The following PDZK1 variants were observed in gnomAD, a reference collection of about 807,000 sequenced individuals.
PDZK1 encodes Na(+)/H(+) exchange regulatory cofactor NHE-RF3.
In PDZK1, 23 loss-of-function variants were observed where a neutral mutation model predicts 38.1. The ratio of observed to expected loss-of-function variants is 0.60; its 90% CI spans 0.43 to 0.85. The LOEUF is 0.85. PDZK1 is among the 40% of genes least tolerant of loss of function. PDZK1 has a pLI of 0.00. For synonymous variants in PDZK1, 98 were observed against 186.2 expected, an observed-to-expected ratio of 0.53 and a Z score of 3.86; for missense variants, 297 against 504.3, an observed-to-expected ratio of 0.59 and a Z score of 3.94.
At chr1:145,680,000 T>C (rs1163626905) in intron 5 of PDZK1, among the ~76,000 whole-genome samples, 40 of 152,280 alleles carry the variant, frequency 2.6e-4, no homozygotes, top group African/African-American at 9.4e-4. Flanking sequence ...TCTGTCTACT[T>C]TCCCAAATCT....
At chr1:145,687,703 T>C in intron 2 of PDZK1, 109 bp downstream of exon 2, 2 of 888,134 alleles carry the variant, frequency 2.3e-6, no homozygotes, top group Admixed American at 1.9e-5. Flanking sequence ...GCCTTGCCAG[T>C]GGCAGCCAGG....
intron 1 of PDZK1, among the ~76,000 whole-genome samples, chr1:145,705,158 T>C (rs782051385): frequency 1.3e-5 from 2 of 152,110 alleles, no homozygotes; most frequent in African/African-American, 2.4e-5. Flanking sequence ...TGGCACAATC[T>C]TGGCTCACTG....
intron 2 of PDZK1, among the ~76,000 whole-genome samples, chr1:145,687,219 T>C (rs1654855319): frequency 6.6e-6 from 1 of 151,888 alleles, no homozygotes; most frequent in Non-Finnish European, 1.5e-5. Context: ...CTTAACAAGA[T>C]AATGAATATA....
chr1:145,687,239 G>A (rs1553701969), intron 2 of PDZK1, among the ~76,000 whole-genome samples: 1 of 151,918 alleles, frequency 6.6e-6, no homozygotes, highest in African/African-American at 2.4e-5. Flanking sequence ...AAAATTGCTG[G>A]CCGAGCGTGG....
intron 5 of PDZK1, among the ~76,000 whole-genome samples, chr1:145,680,037 G>C (rs1553700010): frequency 6.6e-6 from 1 of 152,048 alleles, no homozygotes; most frequent in Non-Finnish European, 1.5e-5. Flanking sequence ...CTGAACTCAA[G>C]TGCCACCCCT....
intron 1 of PDZK1, among the ~76,000 whole-genome samples, chr1:145,704,159 A>C (rs1274353289): frequency 6.6e-6 from 1 of 152,138 alleles, no homozygotes; most frequent in Non-Finnish European, 1.5e-5. Flanking sequence ...CAGGCACCAC[A>C]GCCCCTTTCT....
intron 1 of PDZK1, among the ~76,000 whole-genome samples, chr1:145,690,197 G>A (rs1420806559): frequency 6.6e-6 from 1 of 152,084 alleles, no homozygotes; most frequent in East Asian, 1.9e-4. Context: ...CCTGTTTGTG[G>A]CCCATTCCAG....
chr1:145,707,153 C>A (rs1656288567), intron 1 of PDZK1, among the ~76,000 whole-genome samples, 164 bp downstream of exon 1: 1 of 152,100 alleles, frequency 6.6e-6, no homozygotes, highest in African/African-American at 2.4e-5. Flanking sequence ...CATCTCTCAC[C>A]CCCAACCACC....
intron 1 of PDZK1, among the ~76,000 whole-genome samples, chr1:145,700,580 C>G (rs1211652530): frequency 6.6e-6 from 1 of 152,104 alleles, no homozygotes; most frequent in African/African-American, 2.4e-5. Flanking sequence ...GCCAAAAGAT[C>G]AGAGAGAGGG....
intron 1 of PDZK1, among the ~76,000 whole-genome samples, chr1:145,692,142 G>A (rs1655275229): frequency 6.6e-6 from 1 of 152,092 alleles, no homozygotes; most frequent in Non-Finnish European, 1.5e-5. Flanking sequence ...AAAGGAGGGT[G>A]GTATGACCTC....
intron 1 of PDZK1, among the ~76,000 whole-genome samples, chr1:145,704,792 G>GAATCATTTCACT (rs1553705478): frequency 6.6e-6 from 1 of 152,194 alleles, no homozygotes; most frequent in Non-Finnish European, 1.5e-5. Flanking sequence ...ACGAATGCAA[G>GAATCATTTCACT]AATCATTTCA....
chr1:145,677,549 G>C (rs2101878895), intron 6 of PDZK1, among the ~76,000 whole-genome samples: 1 of 151,366 alleles, frequency 6.6e-6, no homozygotes, highest in Admixed American at 6.6e-5. Context: ...CTAATTAATT[G>C]TTTAATCCTG....
intron 6 of PDZK1, among the ~76,000 whole-genome samples, chr1:145,675,638 G>A (rs1312705319): frequency 5.9e-5 from 9 of 151,754 alleles, no homozygotes; most frequent in Non-Finnish European, 1.0e-4. Flanking sequence ...GCAAAAATAC[G>A]TCTGATAACA....
intron 1 of PDZK1, among the ~76,000 whole-genome samples, chr1:145,703,179 C>T (rs587760378): frequency 6.6e-6 from 1 of 152,284 alleles, no homozygotes; most frequent in East Asian, 1.9e-4. Flanking sequence ...ATCATTTCAT[C>T]TTCTGAATTT....
intron 1 of PDZK1, among the ~76,000 whole-genome samples, chr1:145,702,554 T>A (rs184747259): frequency 5.3e-5 from 8 of 152,210 alleles, no homozygotes; most frequent in African/African-American, 1.9e-4. Context: ...CTAACCCTGG[T>A]TTTATTATAC....
At chr1:145,702,860 C>T (rs781808158) in intron 1 of PDZK1, among the ~76,000 whole-genome samples, 3 of 151,974 alleles carry the variant, frequency 2.0e-5, no homozygotes, top group Non-Finnish European at 4.4e-5. Context: ...GCCACTGCAC[C>T]CCAGCCTGGG....
At chr1:145,685,898 A>C (rs1553701512) in intron 3 of PDZK1, among the ~76,000 whole-genome samples, 2 of 152,208 alleles carry the variant, frequency 1.3e-5, no homozygotes, top group Non-Finnish European at 2.9e-5. Flanking sequence ...GATGCGCCTC[A>C]GAACAGGTGG....
At chr1:145,689,979 G>A (rs1297123916) in intron 1 of PDZK1, among the ~76,000 whole-genome samples, 4 of 152,192 alleles carry the variant, frequency 2.6e-5, no homozygotes, top group Non-Finnish European at 4.4e-5. Flanking sequence ...GAGTGACTAA[G>A]TAGCGAAGAA....
intron 4 of PDZK1, 37 bp from the exon 5 acceptor site, chr1:145,681,144 C>G: frequency 2.2e-6 from 1 of 457,776 alleles, no homozygotes; most frequent in Non-Finnish European, 3.8e-6. Context: ...TGACATCAAC[C>G]CCCAAGAACA....
Sources: allele counts gnomAD v4.1 joint callset (sites outside exome capture counted in the v4.1 genomes callset), GRCh38; gene constraint gnomAD v4.1.1; transcripts MANE v1.5; gene names NCBI Gene and HGNC (gene_info 2026-07-23, HGNC 2026-07-21).